OR5D16: variants seen among roughly 807,000 people sequenced by gnomAD.
The protein encoded by OR5D16 is olfactory receptor 5D16.
For synonymous variants in OR5D16, 185 were observed against 153.2 expected, an observed-to-expected ratio of 1.21 and a Z score of -1.53; for missense variants, 477 against 385.5, an observed-to-expected ratio of 1.24 and a Z score of -1.99.
At position 55,839,120 on chromosome 11, in the gene OR5D16, C is replaced by A. The variant is rs1854052884; in HGVS notation, c.369C>A (p.Asp123Glu). ...TTCTATTTGCGGTGATGGCCTATGA[C>A]CACTTTGTGGCCATTTGCAATCCTC... is the stretch of plus-strand genomic sequence containing the variant. The part of the protein sequence containing the change: ...ELILFAVMAY[D>E]HFVAICNPLL... The change falls in exon 1 of 1, where the codon GAC becomes GAA. Residue 123 changes from aspartate to glutamate, a missense_variant. Coordinates refer to ENST00000378396, the MANE Select transcript of OR5D16 (RefSeq NM_001005496.1). 2 of 1,613,930 alleles carry A rather than the reference C, an allele frequency of 1.2e-6. No homozygotes were observed. Among genetic ancestry groups the A allele is most frequent in the Non-Finnish European group, 1.7e-6 (2 of 1,179,998 alleles).
In OR5D16 at chr11:55,839,222, T is replaced by A. The variant is rs148091144; in HGVS notation, c.471T>A (p.Cys157Ter). 5 of 1,613,888 alleles carry A rather than the reference T, an allele frequency of 3.1e-6. No homozygotes were observed. The African/African-American group carries it at 5.3e-5, about 17-fold the overall frequency. ...VVVLYAWGVA[C>*]SLTLACSALK... ...TATTGTATGCATGGGGAGTCGCATG[T>A]TCCCTGACACTCGCGTGCTCTGCTT... The change falls in exon 1 of 1, where the codon TGT becomes TGA. Residue 157 changes from cysteine (C) to a stop codon, truncating the protein, a stop_gained. Transcript: ENST00000378396. LOFTEE classifies it low-confidence loss of function (END_TRUNC).
In OR5D16 at chr11:55,839,497, C is replaced by T. The variant is rs1382750100; in HGVS notation, c.746C>T (p.Ala249Val). 4 of 1,613,930 alleles carry T rather than the reference C, an allele frequency of 2.5e-6. No individual in the cohort carries two copies. The highest frequency in any genetic ancestry group is 1.1e-5 in the South Asian group (1 of 91,082). The change falls in exon 1 of 1, where the codon GCC (alanine) becomes GTC (valine). Residue 249 changes from alanine (A) to valine (V), a missense_variant. Physicochemically the swap from Ala to Val is moderately conservative, Grantham distance 64. Coordinates refer to ENST00000378396, the MANE Select transcript of OR5D16 (RefSeq NM_001005496.1). The stretch of plus-strand genomic sequence containing the variant: ...TCCACCTGTGCCTCCCACCTGACTG[C>T]CATCACCATCTTCCATGGCACCATC... ...VFSTCASHLT[A>V]ITIFHGTILF... is the part of the protein sequence containing the mutation.
rs751505550 is a variant in OR5D16 at position 55,839,114 on chromosome 11, C to T, written c.363C>T (p.Ala121=). Residue 121 remains alanine (A), a synonymous_variant, in exon 1 of 1, where the codon GCC becomes GCT. Coordinates refer to ENST00000378396, the MANE Select transcript of OR5D16 (RefSeq NM_001005496.1). ...AATTAATTCTATTTGCGGTGATGGC[C>T]TATGACCACTTTGTGGCCATTTGCA... ...VTELILFAVM[A]YDHFVAICNP... The T allele has an allele frequency of 8.1e-6, 13 of 1,614,094 alleles. No individual in the cohort carries two copies. The highest frequency in any genetic ancestry group is 1.7e-4 in the Middle Eastern group (1 of 6,060).
rs762926160 is a variant in OR5D16 at position 55,838,936 on chromosome 11, AT to A, written c.191del (p.Phe64SerfsTer19). The A allele has an allele frequency of 6.2e-7, 1 of 1,613,752 alleles. No individual in the cohort carries two copies. Among genetic ancestry groups the A allele is most frequent in the East Asian group, 2.2e-5 (1 of 44,860 alleles). On this transcript the variant is annotated frameshift_variant, in exon 1 of 1. Coordinates refer to ENST00000378396, the MANE Select transcript of OR5D16 (RefSeq NM_001005496.1). LOFTEE classifies it low-confidence loss of function (END_TRUNC). ...AACCCAAAATTGCATACCCCCATGT[AT>A]TTTTTCCTCAACCACCTCTCCTTTG... ...KINPKLHTPM[Y>X]FFLNHLSFVD...
In OR5D16 at chr11:55,839,260, T is replaced by C; in HGVS notation, c.509T>C (p.Phe170Ser). The C allele has an allele frequency of 6.2e-7, 1 of 1,614,002 alleles. No homozygotes were observed. The highest frequency in any genetic ancestry group is 2.2e-5 in the East Asian group (1 of 44,870). The change falls in exon 1 of 1, where the codon TTT becomes TCT. Residue 170 changes from phenylalanine (F) to serine (S), a missense_variant. Transcript: ENST00000378396. ...GCGTGCTCTGCTTTAAAGTTATCTT[T>C]TCATGGTTTCAACACAATCAATCAT... ...TLACSALKLS[F>S]HGFNTINHFF...
Position 55,839,076 on chromosome 11 carries a change from T to A in OR5D16, c.325T>A (p.Phe109Ile). ...CLVQFFFFCT[F>I]VVTELILFAV... Reference sequence around the variant, plus strand: ...GGTGCAATTCTTTTTCTTTTGCACCTTTGTAGTGACTGAATTAATTCTATT... The same window carrying A: ...GGTGCAATTCTTTTTCTTTTGCACCATTGTAGTGACTGAATTAATTCTATT... The change falls in exon 1 of 1, where the codon TTT becomes ATT. Residue 109 changes from phenylalanine (F) to isoleucine (I), a missense_variant. Coordinates refer to ENST00000378396, the MANE Select transcript of OR5D16 (RefSeq NM_001005496.1). 6.2e-7 allele frequency: 1 copy of A among 1,614,054 alleles called. No individual in the cohort carries two copies. Among genetic ancestry groups the A allele is most frequent in the Non-Finnish European group, 8.5e-7 (1 of 1,179,978 alleles).
At position 55,839,105 on chromosome 11, in the gene OR5D16, G is replaced by T. The variant is rs139231893; in HGVS notation, c.354G>T (p.Ala118=). 6 of 1,613,824 alleles carry T rather than the reference G, an allele frequency of 3.7e-6. No individual in the cohort carries two copies. The highest frequency in any genetic ancestry group is 2.2e-5 in the East Asian group (1 of 44,862). The change falls in exon 1 of 1, where the codon GCG becomes GCT. Residue 118 remains alanine, a synonymous_variant. Coordinates refer to ENST00000378396, the MANE Select transcript of OR5D16 (RefSeq NM_001005496.1). ...TAGTGACTGAATTAATTCTATTTGC[G>T]GTGATGGCCTATGACCACTTTGTGG... The part of the protein sequence containing the change: ...TFVVTELILF[A]VMAYDHFVAI...
chr11:55,839,039 C>A lies in OR5D16; in HGVS notation c.288C>A (p.Phe96Leu). 1 of 1,614,016 alleles carries A rather than the reference C, an allele frequency of 6.2e-7. No individual in the cohort carries two copies. Among genetic ancestry groups the A allele is most frequent in the Non-Finnish European group, 8.5e-7 (1 of 1,179,964 alleles). The change falls in exon 1 of 1, where the codon TTC (phenylalanine) becomes TTA (leucine). Residue 96 changes from phenylalanine (F) to leucine (L), a missense_variant. Transcript: ENST00000378396. ...TTGTAGAAGATAGAACCATTTCATTCTCAGGATGTTTGGTGCAATTCTTTT... is the reference window on the plus strand; with the variant it reads ...TTGTAGAAGATAGAACCATTTCATTATCAGGATGTTTGGTGCAATTCTTTT... ...NLVVEDRTIS[F>L]SGCLVQFFFF...
In OR5D16 at chr11:55,839,733, C is replaced by T. The variant is rs201827469; in HGVS notation, c.982C>T (p.Gln328Ter). 8.0e-5 allele frequency: 124 copies of T among 1,556,564 alleles called. No individual in the cohort carries two copies. The highest frequency in any genetic ancestry group is 2.2e-5 in the Non-Finnish European group (25 of 1,141,696). The change falls in exon 1 of 1, where the codon CAA becomes TAA. Residue 328 changes from glutamine (Q) to a stop codon, truncating the protein, a stop_gained. Coordinates refer to ENST00000378396, the MANE Select transcript of OR5D16 (RefSeq NM_001005496.1). LOFTEE classifies it high-confidence loss of function. ...GTATCCATTTAATTTTGTTATTGAA[C>T]AATAAATTTTTCCTGTTTTTTCAAA... The part of the protein sequence containing the change: ...HWYPFNFVIE[Q>*]
chr11:55,838,936 A>AT lies in OR5D16; in HGVS notation c.191dup (p.Leu65ProfsTer28), dbSNP rs762926160. 1.5e-5 allele frequency: 24 copies of AT among 1,613,752 alleles called. No individual in the cohort carries two copies. In the South Asian group the frequency reaches 2.5e-4, roughly 17 times the overall value. On this transcript the variant is annotated frameshift_variant, in exon 1 of 1. Transcript: ENST00000378396. LOFTEE classifies it low-confidence loss of function (END_TRUNC). ...AACCCAAAATTGCATACCCCCATGTATTTTTTCCTCAACCACCTCTCCTTT... is the reference window on the plus strand; with the variant it reads ...AACCCAAAATTGCATACCCCCATGTATTTTTTTCCTCAACCACCTCTCCTTT...
At position 55,839,099 on chromosome 11, in the gene OR5D16, A is replaced by G. The variant is rs553784879; in HGVS notation, c.348A>G (p.Leu116=). Residue 116 remains leucine, a synonymous_variant, in exon 1 of 1, where the codon CTA becomes CTG. Transcript: ENST00000378396. ...CCTTTGTAGTGACTGAATTAATTCTATTTGCGGTGATGGCCTATGACCACT... is the reference window on the plus strand; with the variant it reads ...CCTTTGTAGTGACTGAATTAATTCTGTTTGCGGTGATGGCCTATGACCACT... ...FCTFVVTELI[L]FAVMAYDHFV... The G allele has an allele frequency of 8.1e-6, 13 of 1,613,876 alleles. No homozygotes were observed. Among genetic ancestry groups the G allele is most frequent in the Middle Eastern group, 1.7e-4 (1 of 6,060 alleles).
At position 55,839,236 on chromosome 11, in the gene OR5D16, C is replaced by T. The variant is rs150642535; in HGVS notation, c.485C>T (p.Ala162Val). 106 of 1,613,856 alleles carry T rather than the reference C, an allele frequency of 6.6e-5. No individual in the cohort carries two copies. Among genetic ancestry groups the T allele is most frequent in the Non-Finnish European group, 8.4e-5 (99 of 1,179,966 alleles). Residue 162 changes from alanine to valine, a missense_variant, in exon 1 of 1, where the codon GCG becomes GTG. Coordinates refer to ENST00000378396, the MANE Select transcript of OR5D16 (RefSeq NM_001005496.1). ...AWGVACSLTL[A>V]CSALKLSFHG... is the part of the protein sequence containing the mutation. ...GGAGTCGCATGTTCCCTGACACTCG[C>T]GTGCTCTGCTTTAAAGTTATCTTTT...
In OR5D16 at chr11:55,838,928, C is replaced by A; in HGVS notation, c.177C>A (p.Thr59=). 6 of 1,613,790 alleles carry A rather than the reference C, an allele frequency of 3.7e-6. No individual in the cohort carries two copies. The highest frequency in any genetic ancestry group is 5.1e-6 in the Non-Finnish European group (6 of 1,179,844). The change falls in exon 1 of 1, where the codon ACC becomes ACA. Residue 59 remains threonine, a synonymous_variant. Coordinates refer to ENST00000378396, the MANE Select transcript of OR5D16 (RefSeq NM_001005496.1). ...TCAAAATTAACCCAAAATTGCATACCCCCATGTATTTTTTCCTCAACCACC... is the reference window on the plus strand; with the variant it reads ...TCAAAATTAACCCAAAATTGCATACACCCATGTATTTTTTCCTCAACCACC... ...VIIKINPKLH[T]PMYFFLNHLS... is the part of the protein sequence containing the mutation.
rs1854064692 is a variant in OR5D16 at position 55,839,465 on chromosome 11, A to T, written c.714A>T (p.Lys238Asn). The T allele has an allele frequency of 6.2e-7, 1 of 1,613,966 alleles. No individual in the cohort carries two copies. The highest frequency in any genetic ancestry group is 8.5e-7 in the Non-Finnish European group (1 of 1,179,944). The change falls in exon 1 of 1, where the codon AAA (lysine) becomes AAT (asparagine). Residue 238 changes from lysine (K) to asparagine (N), a missense_variant. Lys to Asn is a moderately conservative substitution (Grantham distance 94). Coordinates refer to ENST00000378396, the MANE Select transcript of OR5D16 (RefSeq NM_001005496.1). ...LKMPSASGHRKVFSTCASHLT... is the reference protein window; with the variant it reads ...LKMPSASGHRNVFSTCASHLT... The stretch of plus-strand genomic sequence containing the variant: ...TGCCTTCAGCCAGTGGGCACCGCAA[A>T]GTCTTCTCCACCTGTGCCTCCCACC...
At position 55,839,411 on chromosome 11, in the gene OR5D16, T is replaced by C; in HGVS notation, c.660T>C (p.Tyr220=). The C allele has an allele frequency of 6.2e-7, 1 of 1,614,042 alleles. No homozygotes were observed. The highest frequency in any genetic ancestry group is 8.5e-7 in the Non-Finnish European group (1 of 1,179,930). Residue 220 remains tyrosine, a synonymous_variant, in exon 1 of 1, where the codon TAT becomes TAC. Transcript: ENST00000378396. ...ISTLLIILTS[Y]AFIIVTTLKM... ...CACTACTCATCATTCTGACATCTTA[T>C]GCATTCATCATTGTCACCACCTTGA...
Position 55,839,708 on chromosome 11 carries a change from G to GT in OR5D16, c.958dup (p.Tyr320LeufsTer4), listed in dbSNP as rs1419199724. 3.8e-6 allele frequency: 6 copies of GT among 1,590,254 alleles called. No individual in the cohort carries two copies. In the African/African-American group the frequency reaches 8.1e-5, roughly 21 times the overall value. On this transcript the variant is annotated frameshift_variant, in exon 1 of 1. Coordinates refer to ENST00000378396, the MANE Select transcript of OR5D16 (RefSeq NM_001005496.1). LOFTEE classifies it low-confidence loss of function (END_TRUNC). ...ATTTTCATATTAAACATAGGCATTGGTATCCATTTAATTTTGTTATTGAAC... is the reference window on the plus strand; with the variant it reads ...ATTTTCATATTAAACATAGGCATTGGTTATCCATTTAATTTTGTTATTGAAC...
chr11:55,838,850 T>G lies in OR5D16; in HGVS notation c.99T>G (p.Phe33Leu), dbSNP rs753700274. ...TGCAAATTCCCCTCTTCTTTGTATT[T>G]CTGGCAGTCTACGGCTTCAGTGTGG... ...LELQIPLFFV[F>L]LAVYGFSVVG... Residue 33 changes from phenylalanine to leucine, a missense_variant, in exon 1 of 1, where the codon TTT (phenylalanine) becomes TTG (leucine). Phe to Leu is a conservative substitution (Grantham distance 22). Transcript: ENST00000378396. 1.2e-6 allele frequency: 2 copies of G among 1,614,020 alleles called. No individual in the cohort carries two copies. The highest frequency in any genetic ancestry group is 2.2e-5 in the East Asian group (1 of 44,864).
chr11:55,839,609 G>C lies in OR5D16; in HGVS notation c.858G>C (p.Leu286Phe). ...ASVFYTVVIPLLNPLIYSLRN... is the reference protein window; with the variant it reads ...ASVFYTVVIPFLNPLIYSLRN... ...TGTTTTACACCGTGGTGATCCCCTT[G>C]TTGAATCCCCTGATCTACAGTCTGA... The change falls in exon 1 of 1, where the codon TTG (leucine) becomes TTC (phenylalanine). Residue 286 changes from leucine (L) to phenylalanine (F), a missense_variant. Transcript: ENST00000378396. The C allele has an allele frequency of 6.2e-7, 1 of 1,613,976 alleles. No homozygotes were observed.
Position 55,838,755 on chromosome 11 carries a change from T to C in OR5D16, c.4T>C (p.Phe2Leu). M[F>L]LTERNTTSEA... ...TCGGATCACACGAAAGGAAAACATG[T>C]TTCTGACAGAGAGAAATACGACATC... Residue 2 changes from phenylalanine (F) to leucine (L), a missense_variant, in exon 1 of 1, where the codon TTT becomes CTT. Transcript: ENST00000378396. 1 of 1,604,138 alleles carries C rather than the reference T, an allele frequency of 6.2e-7. No individual in the cohort carries two copies.
Sources: gnomAD v4.1 joint callset for allele counts on GRCh38, gnomAD v4.1.1 for gene constraint, MANE v1.5 for transcripts, NCBI Gene and HGNC (gene_info 2026-07-23, HGNC 2026-07-21) for gene names.